PHKA1: variants seen among roughly 807,000 people sequenced by gnomAD.
PHKA1 encodes phosphorylase b kinase regulatory subunit alpha, skeletal muscle isoform.
A neutral mutation model predicts 110.2 loss-of-function variants in PHKA1; 60 were observed. That is an observed-to-expected ratio of 0.54 (90% CI 0.44 to 0.68). The LOEUF (loss-of-function observed/expected upper bound fraction) is 0.68, where lower values mean the gene tolerates loss of function less well. Among genes scored for constraint, PHKA1 ranks in the 30% least tolerant of loss-of-function variants. The pLI is 0.00. For synonymous variants in PHKA1, 316 were observed against 333.6 expected (o/e 0.95, Z 0.58); for missense variants, 801 against 942.5 (o/e 0.85, Z 1.97).
At chrX:72,584,978 A>G (rs1286181309) in intron 29 of PHKA1, among the ~76,000 whole-genome samples, 1 of 92,213 alleles carries the variant, frequency 1.1e-5, no homozygotes, top group African/African-American at 4.2e-5. Flanking sequence ...TTCAATTCCC[A>G]CCTATGAGTG....
At position 72,652,628 on chromosome X, in the gene PHKA1, A is replaced by T. The variant is rs1556299520; in HGVS notation, c.1161T>A (p.Pro387=). 8.5e-7 allele frequency: 1 copy of T among 1,171,333 alleles called. No homozygotes were observed. The highest frequency in any genetic ancestry group is 1.8e-5 in the African/African-American group (1 of 57,115). The change falls in exon 12 of 32, where the codon CCT becomes CCA. Residue 387 remains proline (P), a synonymous_variant. Coordinates refer to ENST00000373542, the MANE Select transcript of PHKA1 (RefSeq NM_002637.4). ...CCATGGGGACTCGGTCCACAGTGTG[A>T]GGATTCTGATATTCTTCATCGACCT... ...PDRVDEEYQN[P]HTVDRVPMGK...
chrX:72,711,802 C>T (rs1280832678), intron 2 of PHKA1, among the ~76,000 whole-genome samples: 2 of 110,683 alleles, frequency 1.8e-5, no homozygotes, highest in Non-Finnish European at 3.8e-5. Flanking sequence ...GGAGCAAAAA[C>T]TTGAATAATT....
intron 29 of PHKA1, among the ~76,000 whole-genome samples, chrX:72,588,320 T>G (rs949088387): frequency 2.6e-4 from 29 of 112,246 alleles, no homozygotes; most frequent in African/African-American, 9.4e-4. Context: ...AACCTGCTCC[T>G]GAATGAATAC....
Position 72,630,246 on chromosome X carries a change from TGAAAAAGAAAAAGAAAAA to T in PHKA1, c.1715-3215_1715-3198del, listed in dbSNP as rs202064504. ...CAGGCTGGGTGACAGAGAGAGACTC[TGAAAAAGAAAAAGAAAAA>T]GAAAAAGAAAAAGAAAAAGAGCGGG... On this transcript the variant is annotated intron_variant, in intron 16 of 31. Transcript: ENST00000373542. Among the ~76,000 whole-genome samples, 4 of 81,062 alleles carry T rather than the reference TGAAAAAGAAAAAGAAAAA, an allele frequency of 4.9e-5. 1 individual carries two copies. Among genetic ancestry groups the T allele is most frequent in the Non-Finnish European group, 6.8e-5 (3 of 44,106 alleles). The allele number at this position is 81,062 out of a possible 115,157, so 70.4% of individuals were successfully genotyped here. A position where few individuals can be genotyped will look rare whatever the true frequency, so the allele number is the denominator to read the frequency against.
intron 13 of PHKA1, among the ~76,000 whole-genome samples, chrX:72,647,557 C>T (rs2053375662): frequency 9.0e-6 from 1 of 111,550 alleles, no homozygotes; most frequent in African/African-American, 3.3e-5. Flanking sequence ...GAGAAGCGGA[C>T]TTAGAATATA....
chrX:72,607,534 T>C (rs1556253583), intron 23 of PHKA1, among the ~76,000 whole-genome samples: 1 of 112,144 alleles, frequency 8.9e-6, no homozygotes, highest in Non-Finnish European at 1.9e-5. Flanking sequence ...TTGAGAAATG[T>C]CTATTCAGAC....
chrX:72,653,166 T>C (rs1218896157), intron 11 of PHKA1, among the ~76,000 whole-genome samples: 1 of 111,625 alleles, frequency 9.0e-6, no homozygotes, highest in African/African-American at 3.3e-5. Context: ...CAGAACATCA[T>C]CCTAGTTTTT....
intron 3 of PHKA1, among the ~76,000 whole-genome samples, chrX:72,697,915 T>C (rs1490590972): frequency 9.4e-6 from 1 of 106,808 alleles, no homozygotes; most frequent in African/African-American, 3.4e-5. Flanking sequence ...ACCTGGGAGG[T>C]GGAGGTTACA....
intron 5 of PHKA1, among the ~76,000 whole-genome samples, chrX:72,683,167 G>A (rs1301788586): frequency 2.7e-5 from 3 of 112,249 alleles, no homozygotes; most frequent in East Asian, 2.8e-4. Flanking sequence ...GCCAGGTGTG[G>A]TGGCTCATGC....
At chrX:72,621,898 A>C (rs2052984565) in intron 18 of PHKA1, 1 of 750,880 alleles carries the variant, frequency 1.3e-6, no homozygotes, top group South Asian at 6.8e-5. Flanking sequence ...AAAGTGACTC[A>C]GAATGCCATA....
rs372744311 is a variant in PHKA1, at chrX:72,666,101, T to C, written c.864+50A>G. ...ACTTAAGGCCCCCAAAGGCACAATTTATCCTTAAAGTCACAGCCTTAAAGA... is the reference window on the plus strand; with the variant it reads ...ACTTAAGGCCCCCAAAGGCACAATTCATCCTTAAAGTCACAGCCTTAAAGA... On this transcript the variant is annotated intron_variant, in intron 8 of 31. Coordinates refer to ENST00000373542, the MANE Select transcript of PHKA1 (RefSeq NM_002637.4). 2.9e-5 allele frequency: 34 copies of C among 1,173,823 alleles called. No individual in the cohort carries two copies. The African/African-American group carries it at 5.8e-4, about 20-fold the overall frequency.
Position 72,609,686 on chromosome X carries a change from G to C in PHKA1, c.2544C>G (p.Leu848=), listed in dbSNP as rs781813655. ...CTACTGTCAAATGTTTCTGGTGGGA[G>C]AGAAGGTCTGTGCAGGCCTAACAAG... The part of the protein sequence containing the change: ...EALDEACTDL[L]SHQKHLTVGL... Residue 848 remains leucine, a synonymous_variant, in exon 23 of 32, where the codon CTC becomes CTG. Transcript: ENST00000373542. The C allele has an allele frequency of 1.5e-5, 18 of 1,197,298 alleles. No homozygotes were observed. The South Asian group carries it at 3.0e-4, about 20-fold the overall frequency.
rs141455050 is a variant in PHKA1 at position 72,689,371 on chromosome X, T to C, written c.455-4791A>G. ...GCCTAAGTAATCACTAATCTACTTC[T>C]TGTCTCTATGATTTGCCTTAGTTGA... On this transcript the variant is annotated intron_variant, in intron 4 of 31. Transcript: ENST00000373542. Among the ~76,000 whole-genome samples, 345 of 111,726 alleles carry C rather than the reference T, an allele frequency of 3.1e-3. 1 individual carries two copies. Among genetic ancestry groups the C allele is most frequent in the African/African-American group, 0.011 (336 of 30,730 alleles).
chrX:72,699,785 CA>C (rs1442780005), intron 3 of PHKA1, among the ~76,000 whole-genome samples: 1 of 111,162 alleles, frequency 9.0e-6, no homozygotes, highest in African/African-American at 3.3e-5. Context: ...CTTCAGGCCC[CA>C]TGGAAGATGC....
chrX:72,665,704 C>A (rs983555791), intron 8 of PHKA1, among the ~76,000 whole-genome samples: 1 of 111,940 alleles, frequency 8.9e-6, no homozygotes. Flanking sequence ...CAAGTTGGTA[C>A]CTTGTATCTT....
chrX:72,610,047 T>C, intron 22 of PHKA1, among the ~76,000 whole-genome samples: 1 of 111,582 alleles, frequency 9.0e-6, no homozygotes, highest in South Asian at 3.8e-4. Context: ...CATACAAGCA[T>C]ACAACATGTA....
intron 29 of PHKA1, among the ~76,000 whole-genome samples, chrX:72,586,763 G>A (rs1179088281): frequency 9.1e-6 from 1 of 110,085 alleles, no homozygotes. Flanking sequence ...GCAAACCACG[G>A]CACAAGAACT....
chrX:72,689,700 T>C (rs1272680491), intron 4 of PHKA1, among the ~76,000 whole-genome samples: 1 of 112,272 alleles, frequency 8.9e-6, no homozygotes, highest in Admixed American at 9.5e-5. Flanking sequence ...AGTGAACATA[T>C]GTTTTCATTT....
intron 3 of PHKA1, among the ~76,000 whole-genome samples, chrX:72,703,403 G>A (rs2054232484): frequency 8.9e-6 from 1 of 112,255 alleles, no homozygotes; most frequent in African/African-American, 3.2e-5. Context: ...TATTGGCCAG[G>A]CAAGGTGGCT....
Sources: gnomAD v4.1 joint callset for allele counts (sites outside exome capture counted in the v4.1 genomes callset) on GRCh38, gnomAD v4.1.1 for gene constraint, MANE v1.5 for transcripts, NCBI Gene and HGNC (gene_info 2026-07-23, HGNC 2026-07-21) for gene names.